PDE4D: variants seen among roughly 807,000 people sequenced by gnomAD.
PDE4D encodes the protein 3',5'-cyclic-AMP phosphodiesterase 4D.
In PDE4D, 24 loss-of-function variants were observed where a neutral mutation model predicts 87.4. The ratio of observed to expected loss-of-function variants is 0.27; its 90% CI spans 0.20 to 0.39. The LOEUF (loss-of-function observed/expected upper bound fraction) is 0.39, where lower values mean the gene tolerates loss of function less well. Ranked by LOEUF, PDE4D falls within the 10% of genes least tolerant of loss-of-function variation. The pLI, the probability that PDE4D is intolerant of heterozygous loss-of-function variation, is 1.00. For missense variants in PDE4D, 714 were observed against 1,041.0 expected (o/e 0.69, Z 4.32); for synonymous variants, 384 against 383.2 (o/e 1.00, Z -0.02).
chr5:59,093,568 A>T (rs140721396), intron 5 of PDE4D, among the ~76,000 whole-genome samples: 1 of 152,194 alleles, frequency 6.6e-6, no homozygotes, highest in Non-Finnish European at 1.5e-5. Flanking sequence ...TTGGGGAAAC[A>T]TTTCAAAGAA....
chr5:59,079,697 G>T (rs993088470), intron 5 of PDE4D, among the ~76,000 whole-genome samples: 1 of 111,232 alleles, frequency 9.0e-6, no homozygotes, highest in Non-Finnish European at 2.2e-5. Context: ...ATAATAAGCT[G>T]GGCATAATGG....
At chr5:59,528,947 G>A in intron 1 of PDE4D, 1 of 432,076 alleles carries the variant, frequency 2.3e-6, no homozygotes, top group Non-Finnish European at 4.6e-6. Context: ...TCTCTGGAAG[G>A]CTGGCAGATG....
chr5:59,290,157 T>C (rs1767740043), intron 1 of PDE4D, among the ~76,000 whole-genome samples: 1 of 151,674 alleles, frequency 6.6e-6, no homozygotes, highest in South Asian at 2.1e-4. Flanking sequence ...TTCCCAGAAA[T>C]AGAAAAAAAA....
chr5:60,086,201 G>A (rs1304855727), intron 2 of PDE4D, among the ~76,000 whole-genome samples: 2 of 151,976 alleles, frequency 1.3e-5, no homozygotes, highest in African/African-American at 4.8e-5. Context: ...AAACAACAGG[G>A]GAAGCTGAGG....
intron 1 of PDE4D, among the ~76,000 whole-genome samples, chr5:60,303,462 C>T (rs1453428995): frequency 8.5e-5 from 13 of 152,104 alleles, no homozygotes; most frequent in Non-Finnish European, 1.5e-5. Context: ...GCGCGCGCCA[C>T]CACGCCCAGA....
intron 1 of PDE4D, among the ~76,000 whole-genome samples, chr5:59,232,824 A>G (rs1407304307): frequency 6.9e-6 from 1 of 145,216 alleles, no homozygotes; most frequent in Non-Finnish European, 1.5e-5. Flanking sequence ...ATATATATAT[A>G]TATACACACA....
intron 1 of PDE4D, among the ~76,000 whole-genome samples, chr5:59,676,995 C>G (rs184742457): frequency 6.6e-6 from 1 of 151,720 alleles, no homozygotes; most frequent in African/African-American, 2.4e-5. Context: ...TCAACTTTTT[C>G]TAGCTTACAT....
intron 1 of PDE4D, among the ~76,000 whole-genome samples, chr5:59,548,449 T>A (rs140185910): frequency 3.9e-5 from 6 of 152,270 alleles, no homozygotes; most frequent in African/African-American, 1.4e-4. Context: ...ACCCATTAGG[T>A]ACCAGGCACC....
chr5:59,402,040 A>C (rs1465626965), intron 1 of PDE4D, among the ~76,000 whole-genome samples: 2 of 152,240 alleles, frequency 1.3e-5, no homozygotes, highest in Non-Finnish European at 2.9e-5. Flanking sequence ...AAAATCTGCA[A>C]GGAATGGCCT....
At chr5:60,329,032 T>C (rs1757059448) in intron 1 of PDE4D, among the ~76,000 whole-genome samples, 1 of 152,238 alleles carries the variant, frequency 6.6e-6, no homozygotes, top group Non-Finnish European at 1.5e-5. Context: ...CACAGTCGTC[T>C]CTCTTTGTTC....
At chr5:59,984,054 G>A (rs1333550232) in intron 3 of PDE4D, among the ~76,000 whole-genome samples, 5 of 150,630 alleles carry the variant, frequency 3.3e-5, no homozygotes, top group South Asian at 4.2e-4. Context: ...AAAAAATTTT[G>A]ACTAATAGAA....
chr5:59,930,824 C>A (rs183303896), intron 3 of PDE4D, among the ~76,000 whole-genome samples: 5 of 152,034 alleles, frequency 3.3e-5, no homozygotes, highest in African/African-American at 4.8e-5. Context: ...AACAATAATA[C>A]GCAGAGGTAT....
At chr5:59,293,367 A>G (rs1456678194) in intron 1 of PDE4D, among the ~76,000 whole-genome samples, 4 of 152,112 alleles carry the variant, frequency 2.6e-5, no homozygotes, top group African/African-American at 9.7e-5. Flanking sequence ...TTATGATCCA[A>G]CAAAATAGGA....
intron 1 of PDE4D, among the ~76,000 whole-genome samples, chr5:60,346,846 T>C (rs1758786912): frequency 6.6e-6 from 1 of 152,182 alleles, no homozygotes; most frequent in African/African-American, 2.4e-5. Context: ...TATAACCCAG[T>C]TCCCCTTAAG....
At chr5:59,302,748 T>A (rs1291698098) in intron 1 of PDE4D, among the ~76,000 whole-genome samples, 1 of 152,218 alleles carries the variant, frequency 6.6e-6, no homozygotes, top group African/African-American at 2.4e-5. Flanking sequence ...ATTGTATATA[T>A]ATCTGTACAC....
chr5:59,751,834 A>T (rs559143473), intron 1 of PDE4D, among the ~76,000 whole-genome samples: 1 of 152,140 alleles, frequency 6.6e-6, no homozygotes, highest in South Asian at 2.1e-4. Flanking sequence ...GAAATCTCCC[A>T]TGCTTCACAT....
intron 1 of PDE4D, among the ~76,000 whole-genome samples, chr5:59,463,113 T>G (rs948599146): frequency 6.6e-6 from 1 of 152,104 alleles, no homozygotes; most frequent in African/African-American, 2.4e-5. Flanking sequence ...AATTTAGGGG[T>G]CTCTTATTAG....
At chr5:59,500,021 A>C (rs1266822005) in intron 1 of PDE4D, among the ~76,000 whole-genome samples, 1 of 152,194 alleles carries the variant, frequency 6.6e-6, no homozygotes. Flanking sequence ...AGTCCTCCAC[A>C]AAATATTAGC....
chr5:59,230,624 G>A (rs1754957251), intron 1 of PDE4D, among the ~76,000 whole-genome samples: 4 of 152,140 alleles, frequency 2.6e-5, no homozygotes, highest in Admixed American at 2.6e-4. Flanking sequence ...TACTATAATT[G>A]CCTTTAAAAT....
Sources: gnomAD v4.1 joint callset for allele counts (sites outside exome capture counted in the v4.1 genomes callset) on GRCh38, gnomAD v4.1.1 for gene constraint, MANE v1.5 for transcripts, NCBI Gene and HGNC (gene_info 2026-07-23, HGNC 2026-07-21) for gene names.